The following IQCJ variants were observed in gnomAD, a reference collection of about 807,000 sequenced individuals.
IQCJ encodes IQ domain-containing protein J.
IQCJ carries 9 observed loss-of-function variants against 11.0 expected under a neutral mutation model. That is an observed-to-expected ratio of 0.82 (90% CI 0.49 to 1.43). IQCJ has a LOEUF of 1.43. IQCJ is among the 40% of genes most tolerant of loss of function. The probability of loss-of-function intolerance (pLI) is 0.00; values close to 1 mark genes in which losing one functional copy is unlikely to be tolerated. For synonymous variants in IQCJ, 55 were observed against 51.3 expected (o/e 1.07, Z -0.31); for missense variants, 146 against 133.2 (o/e 1.10, Z -0.47).
intron 1 of IQCJ, among the ~76,000 whole-genome samples, chr3:159,090,344 A>G (rs1456192123): frequency 1.3e-5 from 2 of 151,924 alleles, no homozygotes; most frequent in Admixed American, 1.3e-4. Flanking sequence ...TCAGATGGAA[A>G]TGCAGAAATC....
intron 1 of IQCJ, among the ~76,000 whole-genome samples, chr3:159,096,114 AG>A (rs1191429594): frequency 1.0e-5 from 1 of 98,078 alleles, no homozygotes; most frequent in African/African-American, 4.4e-5. Flanking sequence ...TCTGATGGCC[AG>A]TGATGATGAG....
chr3:159,085,051 A>G (rs995172516), intron 1 of IQCJ, among the ~76,000 whole-genome samples: 7 of 151,756 alleles, frequency 4.6e-5, no homozygotes, highest in South Asian at 2.1e-4. Context: ...ATATCTCCCA[A>G]TGCTATCCCT....
At chr3:159,121,279 A>G (rs529836838) in intron 1 of IQCJ, among the ~76,000 whole-genome samples, 1 of 151,946 alleles carries the variant, frequency 6.6e-6, no homozygotes, top group South Asian at 2.1e-4. Flanking sequence ...GACCACAGGC[A>G]TGCATTACCA....
intron 1 of IQCJ, among the ~76,000 whole-genome samples, chr3:159,132,298 G>T (rs1190647414): frequency 6.6e-6 from 1 of 152,138 alleles, no homozygotes; most frequent in Non-Finnish European, 1.5e-5. Context: ...TAACTAAGAA[G>T]TGTGATTTGG....
chr3:159,096,167 T>A lies in IQCJ; in HGVS notation c.9+26726T>A, dbSNP rs1430516035. Among the ~76,000 whole-genome samples the A allele has an allele frequency of 1.2e-4, 12 of 98,984 alleles. No individual in the cohort carries two copies. The Admixed American group carries it at 1.3e-3, about 10-fold the overall frequency. 64.9% of individuals were successfully genotyped at this position (98,984 alleles called of 152,430 possible). On this transcript the variant is annotated intron_variant, in intron 1 of 3. Coordinates refer to ENST00000397832, the MANE Select transcript of IQCJ (RefSeq NM_001042706.3). ...TTTTGGCTGCATAAATGTCTTCTTT[T>A]GAGAAGTGTCTGTTCATGTCCTTCG...
At chr3:159,235,773 A>G (rs980566567) in intron 1 of IQCJ, among the ~76,000 whole-genome samples, 3 of 152,194 alleles carry the variant, frequency 2.0e-5, no homozygotes, top group African/African-American at 7.2e-5. Flanking sequence ...TGGCAGCAAA[A>G]GCTTTTATGT....
intron 1 of IQCJ, among the ~76,000 whole-genome samples, chr3:159,092,730 A>ACACACACACACACC (rs1468228893): frequency 3.3e-5 from 5 of 150,228 alleles, no homozygotes; most frequent in Non-Finnish European, 7.4e-5. Flanking sequence ...ACACACACAC[A>ACACACACACACACC]CCATTTAGAA....
chr3:159,260,199 C>T (rs1346887425), intron 3 of IQCJ, among the ~76,000 whole-genome samples: 1 of 152,026 alleles, frequency 6.6e-6, no homozygotes, highest in Non-Finnish European at 1.5e-5. Flanking sequence ...CCTTTGCAAA[C>T]CTCTCATCTC....
chr3:159,091,665 CACACGCAT>C (rs374368970), intron 1 of IQCJ, among the ~76,000 whole-genome samples: 9,864 of 51,538 alleles, frequency 0.19, 493 homozygotes, highest in Middle Eastern at 0.27. Context: ...CACACACACA[CACACGCAT>C]GCACACACAC....
intron 1 of IQCJ, among the ~76,000 whole-genome samples, chr3:159,142,411 G>A (rs895190934): frequency 2.8e-5 from 3 of 106,582 alleles, no homozygotes; most frequent in Non-Finnish European, 5.8e-5. Context: ...GTGCACTGAG[G>A]GGCAGGTCTT....
At chr3:159,163,139 A>G (rs868601289) in intron 1 of IQCJ, among the ~76,000 whole-genome samples, 2 of 152,236 alleles carry the variant, frequency 1.3e-5, no homozygotes, top group Admixed American at 6.5e-5. Flanking sequence ...ATTTGAGACC[A>G]ATATCCTTGA....
At chr3:159,148,788 T>A (rs1014894050) in intron 1 of IQCJ, among the ~76,000 whole-genome samples, 4 of 152,228 alleles carry the variant, frequency 2.6e-5, no homozygotes, top group Non-Finnish European at 5.9e-5. Context: ...GGATTTTTTT[T>A]AACAAGTGCT....
chr3:159,160,933 G>T (rs1299859020), intron 1 of IQCJ, among the ~76,000 whole-genome samples: 3 of 152,084 alleles, frequency 2.0e-5, no homozygotes, highest in South Asian at 2.1e-4. Context: ...GTCTATCATG[G>T]TTGGACATTT....
intron 1 of IQCJ, among the ~76,000 whole-genome samples, chr3:159,204,709 G>A (rs1202002193): frequency 6.6e-6 from 1 of 152,176 alleles, no homozygotes; most frequent in African/African-American, 2.4e-5. Context: ...TCTTCAATCT[G>A]CCATAATGAT....
chr3:159,143,967 T>C (rs557484722), intron 1 of IQCJ, among the ~76,000 whole-genome samples: 1 of 152,340 alleles, frequency 6.6e-6, no homozygotes, highest in South Asian at 2.1e-4. Context: ...TTCAATGTTG[T>C]ATCTTCACAT....
intron 1 of IQCJ, among the ~76,000 whole-genome samples, chr3:159,186,574 A>G (rs1049408412): frequency 3.9e-5 from 6 of 152,220 alleles, no homozygotes; most frequent in African/African-American, 1.2e-4. Flanking sequence ...CAATCACCCC[A>G]CATGCTCTAG....
In IQCJ at chr3:159,102,059, G is replaced by A. The variant is rs189921719; in HGVS notation, c.9+32618G>A. On this transcript the variant is annotated intron_variant, in intron 1 of 3. Transcript: ENST00000397832. ...TCCTTGTATTTTCTCTTGCTCTTTC[G>A]CTATAATGAATGTCATACTAGTAGC... Among the ~76,000 whole-genome samples, 157 of 152,232 alleles carry A rather than the reference G, an allele frequency of 1.0e-3. 1 individual carries two copies. Among genetic ancestry groups the A allele is most frequent in the African/African-American group, 2.7e-3 (114 of 41,530 alleles).
chr3:159,086,223 T>C (rs1004514331), intron 1 of IQCJ, among the ~76,000 whole-genome samples: 70 of 152,176 alleles, frequency 4.6e-4, no homozygotes, highest in Admixed American at 4.1e-3. Context: ...GATCAGATAG[T>C]TGTAGATATG....
chr3:159,121,064 C>T (rs1365343132), intron 1 of IQCJ, among the ~76,000 whole-genome samples: 1 of 152,160 alleles, frequency 6.6e-6, no homozygotes, highest in African/African-American at 2.4e-5. Context: ...ATCTCCTTGG[C>T]CATAACTATC....
Sources: allele counts gnomAD v4.1 joint callset (sites outside exome capture counted in the v4.1 genomes callset), GRCh38; gene constraint gnomAD v4.1.1; transcripts MANE v1.5; gene names NCBI Gene and HGNC (gene_info 2026-07-23, HGNC 2026-07-21).